Variants in MGST1 observed in about 807,000 individuals in gnomAD.
MGST1 encodes microsomal glutathione S-transferase 1.
Under a neutral mutation model 8.9 loss-of-function variants are expected in MGST1, and 5 were observed. The ratio of observed to expected loss-of-function variants is 0.56; its 90% CI spans 0.29 to 1.19. MGST1 has a LOEUF of 1.19. Ranked by LOEUF, MGST1 falls within the 50% of genes most tolerant of loss-of-function variation. The pLI, the probability that MGST1 is intolerant of heterozygous loss-of-function variation, is 0.08. For missense variants in MGST1, 182 were observed against 187.4 expected (o/e 0.97, Z 0.17); for synonymous variants, 54 against 67.8 (o/e 0.80, Z 1.00).
rs188959810 is a variant in MGST1 at position 16,446,415 on chromosome 12, T to C, written n.482+62811T>C. Among the ~76,000 whole-genome samples the C allele has an allele frequency of 2.6e-5, 4 of 151,962 alleles. No individual in the cohort carries two copies. In the East Asian group the frequency reaches 7.8e-4, roughly 30 times the overall value. ...AATGGAGAAATGACCATGACTTTTT[T>C]AAATCAAGGTCGCCATCTTCAGCCT... is the stretch of plus-strand genomic sequence containing the variant. On this transcript the variant is annotated intron_variant and non_coding_transcript_variant, in intron 4 of 4. Transcript: ENST00000538857.
In MGST1 at chr12:16,361,187, G is replaced by A. The variant is rs973978558; in HGVS notation, c.222-2608G>A. Among the ~76,000 whole-genome samples the A allele has an allele frequency of 6.6e-6, 1 of 152,196 alleles. No homozygotes were observed. The highest frequency in any genetic ancestry group is 2.4e-5 in the African/African-American group (1 of 41,456). ...AACACATGGCTGGCTATGTGCTGAG[G>A]GTGAAGAGCTTTGGCTGAGATGAGG... On this transcript the variant is annotated intron_variant, in intron 3 of 3. Transcript: ENST00000396210. This position sits in a 1 kb window ranked among gnomAD's most constrained non-coding sequence, Gnocchi z 4.2.
intron 1 of MGST1, among the ~76,000 whole-genome samples, chr12:16,386,175 T>G (rs1445568183): frequency 6.6e-6 from 1 of 152,182 alleles, no homozygotes; most frequent in South Asian, 2.1e-4. Context: ...AAGCAGTTTG[T>G]GGTTTGGAAA....
intron 4 of MGST1, among the ~76,000 whole-genome samples, chr12:16,577,237 G>A (rs2137501789): frequency 6.6e-6 from 1 of 152,204 alleles, no homozygotes; most frequent in South Asian, 2.1e-4. Context: ...GTCAGAAGGT[G>A]CACCAACACC....
chr12:16,380,315 G>A (rs1940437891), downstream of MGST1, among the ~76,000 whole-genome samples: 1 of 152,180 alleles, frequency 6.6e-6, no homozygotes, highest in Non-Finnish European at 1.5e-5. Flanking sequence ...TGCTTTGAAT[G>A]TGTGCCAGAG....
At chr12:16,514,431 A>G in intron 4 of MGST1, 1 of 278,740 alleles carries the variant, frequency 3.6e-6, no homozygotes, top group Non-Finnish European at 7.2e-6. Flanking sequence ...CCATCGCATC[A>G]TTAGCATGCA....
At chr12:16,516,906 G>A (rs1357967006) in intron 4 of MGST1, among the ~76,000 whole-genome samples, 1 of 152,248 alleles carries the variant, frequency 6.6e-6, no homozygotes, top group South Asian at 2.1e-4. Flanking sequence ...AATACTTTCA[G>A]AGATGACTTA....
chr12:16,370,597 G>A (rs1036507245), intron 3 of MGST1, among the ~76,000 whole-genome samples: 2 of 152,238 alleles, frequency 1.3e-5, no homozygotes, highest in African/African-American at 4.8e-5. Flanking sequence ...GATAGTGAAA[G>A]GAATATAATT....
chr12:16,589,765 A>G (rs1022940728), downstream of MGST1, among the ~76,000 whole-genome samples: 1 of 152,088 alleles, frequency 6.6e-6, no homozygotes, highest in African/African-American at 2.4e-5. This position sits in a 1 kb window ranked among gnomAD's most constrained non-coding sequence, Gnocchi z 4.2. Flanking sequence ...GATTAGGAAT[A>G]TAGGTTCCTC....
chr12:16,401,766 T>G lies in MGST1; in HGVS notation n.778+18162T>G. The G allele has an allele frequency of 6.3e-7, 1 of 1,599,992 alleles. No individual in the cohort carries two copies. The highest frequency in any genetic ancestry group is 1.7e-5 in the Admixed American group (1 of 60,016). On this transcript the variant is annotated intron_variant and non_coding_transcript_variant, in intron 1 of 1. Transcript: ENST00000359720. The surrounding 1 kb of genome is among the most constrained non-coding windows in gnomAD (Gnocchi z 4.3). The stretch of plus-strand genomic sequence containing the variant: ...CTCTTCAACGGCCTTTTCCACAGAC[T>G]CAGCCAGTTTGCTGTGTCAAACTTT...
downstream of MGST1, among the ~76,000 whole-genome samples, chr12:16,590,343 G>A (rs918987304): frequency 8.6e-5 from 13 of 151,950 alleles, no homozygotes; most frequent in Admixed American, 2.6e-4. Flanking sequence ...TGTAATTCAC[G>A]AAATTGTTTT....
Position 16,363,070 on chromosome 12 carries a change from G to A in MGST1, c.222-725G>A, listed in dbSNP as rs1406999386. On this transcript the variant is annotated intron_variant, in intron 3 of 3. Transcript: ENST00000396210. The surrounding 1 kb of genome is among the most constrained non-coding windows in gnomAD (Gnocchi z 4.6). The stretch of plus-strand genomic sequence containing the variant: ...AAACTGTGGCTAAAACATGCTTTTT[G>A]TTTTCTTCTAGCTCTGTTATAAAGA... 1 of 152,106 alleles carries A rather than the reference G, an allele frequency of 6.6e-6. No homozygotes were observed. The highest frequency in any genetic ancestry group is 1.5e-5 in the Non-Finnish European group (1 of 67,998). 9.4% of individuals were successfully genotyped at this position (152,106 alleles called of 1,614,324 possible).
At chr12:16,436,556 AG>A (rs1247849312) in intron 1 of MGST1, among the ~76,000 whole-genome samples, 5 of 151,002 alleles carry the variant, frequency 3.3e-5, no homozygotes, top group African/African-American at 1.2e-4. Context: ...GAAACAGGAA[AG>A]AAAAAAAAAC....
At chr12:16,425,563 T>A (rs559295800) in intron 1 of MGST1, among the ~76,000 whole-genome samples, 134 of 152,280 alleles carry the variant, frequency 8.8e-4, no homozygotes, top group Middle Eastern at 3.4e-3. Flanking sequence ...GGATTACAAG[T>A]GTGGGCCACC....
intron 1 of MGST1, among the ~76,000 whole-genome samples, chr12:16,408,721 C>T (rs1399014793): frequency 2.6e-5 from 4 of 152,088 alleles, no homozygotes; most frequent in African/African-American, 9.7e-5. Flanking sequence ...TAAAAATTCT[C>T]TCTTTTTACT....
rs1047473733 is a variant in MGST1, at chr12:16,389,136, T to A, written n.778+5532T>A. ...CTTGCACTGGGATTCGTTTTAATAA[T>A]TAGCCATAGTGACACCTAGGTGATA... On this transcript the variant is annotated intron_variant and non_coding_transcript_variant, in intron 1 of 1. Coordinates refer to the MGST1 transcript ENST00000359720. This position sits in a 1 kb window ranked among gnomAD's most constrained non-coding sequence, Gnocchi z 4.6. Among the ~76,000 whole-genome samples the A allele has an allele frequency of 9.9e-5, 15 of 152,232 alleles. No individual in the cohort carries two copies. Among genetic ancestry groups the A allele is most frequent in the Non-Finnish European group, 2.1e-4 (14 of 68,046 alleles).
intron 4 of MGST1, among the ~76,000 whole-genome samples, chr12:16,583,638 A>G (rs756226351): frequency 6.0e-4 from 91 of 152,350 alleles, no homozygotes; most frequent in Admixed American, 1.2e-3. Context: ...ATCAAACCTG[A>G]TAAAAAACAT....
At chr12:16,569,073 C>A (rs1044423565) in intron 4 of MGST1, among the ~76,000 whole-genome samples, 2 of 152,112 alleles carry the variant, frequency 1.3e-5, no homozygotes, top group African/African-American at 2.4e-5. Flanking sequence ...AGTGTTAATT[C>A]CTTTCTAAAC....
At chr12:16,403,123 G>A (rs1490121636) in intron 1 of MGST1, among the ~76,000 whole-genome samples, 2 of 151,958 alleles carry the variant, frequency 1.3e-5, no homozygotes, top group African/African-American at 4.8e-5. Flanking sequence ...ACCTAAGACT[G>A]TAAGTTTCCA....
At chr12:16,420,524 C>T (rs1015482479) in intron 1 of MGST1, among the ~76,000 whole-genome samples, 3 of 152,102 alleles carry the variant, frequency 2.0e-5, no homozygotes, top group African/African-American at 7.2e-5. Context: ...TTGGCAAGTG[C>T]TCTCAGGATC....
Sources: gnomAD v4.1 joint callset for allele counts (sites outside exome capture counted in the v4.1 genomes callset) on GRCh38, gnomAD v4.1.1 for gene constraint, Gnocchi (gnomAD v3.1) non-coding constraint, MANE v1.5 for transcripts, NCBI Gene and HGNC (gene_info 2026-07-23, HGNC 2026-07-21) for gene names.